EPS8L2: variants seen among roughly 807,000 people sequenced by gnomAD.
EPS8L2 encodes EPS8 signaling adaptor L2.
Under a neutral mutation model 99.4 loss-of-function variants are expected in EPS8L2, and 81 were observed. The ratio of observed to expected loss-of-function variants is 0.82; its 90% CI spans 0.68 to 0.98. The LOEUF is 0.98. Among genes scored for constraint, EPS8L2 ranks in the 50% least tolerant of loss-of-function variants. The probability of loss-of-function intolerance (pLI) is 0.00; values close to 1 mark genes in which losing one functional copy is unlikely to be tolerated. For missense variants in EPS8L2, 1,155 were observed against 968.8 expected (o/e 1.19, Z -2.55); for synonymous variants, 509 against 407.3 (o/e 1.25, Z -3.01).
intron 4 of EPS8L2, among the ~76,000 whole-genome samples, chr11:713,382 CTGTT>C (rs1590048471): frequency 6.6e-6 from 1 of 152,200 alleles, no homozygotes; most frequent in African/African-American, 2.4e-5. Flanking sequence ...ACCACAGTTT[CTGTT>C]TGTTTGTGTG....
Position 720,617 on chromosome 11 carries a change from G to A in EPS8L2, c.348G>A (p.Pro116=), listed in dbSNP as rs768814580. 1.9e-6 allele frequency: 3 copies of A among 1,599,796 alleles called. No individual in the cohort carries two copies. Among genetic ancestry groups the A allele is most frequent in the Admixed American group, 3.5e-5 (2 of 57,686 alleles). Reference sequence around the variant, plus strand: ...CGCAGGAGGAGCTGGAAGACTTCCCGCTGCCCACGGTGCAGCGCAGCCAGA... The same window carrying A: ...CGCAGGAGGAGCTGGAAGACTTCCCACTGCCCACGGTGCAGCGCAGCCAGA... ...IESQEELEDF[P]LPTVQRSQTV... The change falls in exon 6 of 21, where the codon CCG becomes CCA. Residue 116 remains proline, a synonymous_variant. Transcript: ENST00000318562.
Position 727,022 on chromosome 11 carries a change from AC to A in EPS8L2, c.*44del. The A allele has an allele frequency of 1.5e-6, 2 of 1,316,760 alleles. No individual in the cohort carries two copies. Among genetic ancestry groups the A allele is most frequent in the Non-Finnish European group, 2.2e-6 (2 of 916,470 alleles). 81.6% of individuals were successfully genotyped at this position (1,316,760 alleles called of 1,614,324 possible). A position where few individuals can be genotyped will look rare whatever the true frequency, so the allele number is the denominator to read the frequency against. On this transcript the variant is annotated 3_prime_UTR_variant, in exon 21 of 21. Coordinates refer to ENST00000318562, the MANE Select transcript of EPS8L2 (RefSeq NM_022772.4). ...GCTGGGGCCTGCGGAGGGGAAGCCC[AC>A]CCACAATGCATGGAGTATTATTTTT... is the stretch of plus-strand genomic sequence containing the variant.
rs533783894 is a variant in EPS8L2 at position 724,492 on chromosome 11, C to T, written c.1455-232C>T. 30 of 557,682 alleles carry T rather than the reference C, an allele frequency of 5.4e-5. No individual in the cohort carries two copies. Among genetic ancestry groups the T allele is most frequent in the East Asian group, 3.4e-4 (11 of 32,520 alleles). The allele number at this position is 557,682 out of a possible 1,614,324, so 34.5% of individuals were successfully genotyped here. ...AGCCTTGCTGTACCACAGGCCCCTG[C>T]GCCACGCCCACCTCCTGCCTGCCCC... On this transcript the variant is annotated intron_variant, in intron 15 of 20. Transcript: ENST00000318562. This position sits in a 1 kb window ranked among gnomAD's most constrained non-coding sequence, Gnocchi z 5.5.
At chr11:715,223 C>T (rs1456943756) in intron 4 of EPS8L2, among the ~76,000 whole-genome samples, 1 of 148,472 alleles carries the variant, frequency 6.7e-6, no homozygotes, top group Non-Finnish European at 1.5e-5. Flanking sequence ...GCCTGGGAGA[C>T]AGAGTGAGAC....
chr11:707,333 C>T (rs1861752675), intron 1 of EPS8L2, among the ~76,000 whole-genome samples: 1 of 152,204 alleles, frequency 6.6e-6, no homozygotes, highest in Non-Finnish European at 1.5e-5. Flanking sequence ...CTCCCCATTC[C>T]AGGGCCCCAC....
At chr11:708,744 C>T (rs1191173118) in intron 1 of EPS8L2, 1 of 152,526 alleles carries the variant, frequency 6.6e-6, no homozygotes, top group Non-Finnish European at 1.5e-5. Flanking sequence ...GGGCCAGCCT[C>T]TTTGCTGGGG....
rs187544514 is a variant in EPS8L2, at chr11:724,286, G to A, written c.1455-438G>A. Among the ~76,000 whole-genome samples the A allele has an allele frequency of 3.9e-5, 6 of 152,260 alleles. No homozygotes were observed. Among genetic ancestry groups the A allele is most frequent in the South Asian group, 2.1e-4 (1 of 4,820 alleles). ...CCCCACAGAGAGGAGCTTGAGACCC[G>A]TCCTCCACTGGACCATTTGGGCTGT... On this transcript the variant is annotated intron_variant, in intron 15 of 20. Transcript: ENST00000318562. This position sits in a 1 kb window ranked among gnomAD's most constrained non-coding sequence, Gnocchi z 5.5.
At position 726,665 on chromosome 11, in the gene EPS8L2, C is replaced by T. The variant is rs775047399; in HGVS notation, c.1981C>T (p.Leu661Phe). The change falls in exon 20 of 21, where the codon CTC (leucine) becomes TTC (phenylalanine). Residue 661 changes from leucine (L) to phenylalanine (F), a missense_variant. Coordinates refer to ENST00000318562, the MANE Select transcript of EPS8L2 (RefSeq NM_022772.4). ...CCTGACCGGGCCGCAGCTCTTCTCC[C>T]TCAACAAGGAGGAGCTGAAGAAAGT... ...GILTGPQLFS[L>F]NKEELKKVCG... The T allele has an allele frequency of 3.8e-6, 6 of 1,568,774 alleles. No individual in the cohort carries two copies. The highest frequency in any genetic ancestry group is 3.5e-5 in the South Asian group (3 of 85,334).
At position 721,105 on chromosome 11, in the gene EPS8L2, C is replaced by T; in HGVS notation, c.599C>T (p.Pro200Leu). The stretch of plus-strand genomic sequence containing the variant: ...ATTCGGCAGCGGCAGTCCATCCTGC[C>T]TCCTCCCCAGGGCCCGGCGCCCATC... ...EKIRQRQSIL[P>L]PPQGPAPIPF... is the part of the protein sequence containing the mutation. The change falls in exon 8 of 21, where the codon CCT becomes CTT. Residue 200 changes from proline (P) to leucine (L), a missense_variant. Coordinates refer to ENST00000318562, the MANE Select transcript of EPS8L2 (RefSeq NM_022772.4). 6.5e-7 allele frequency: 1 copy of T among 1,530,776 alleles called. No individual in the cohort carries two copies. The highest frequency in any genetic ancestry group is 8.8e-7 in the Non-Finnish European group (1 of 1,141,160). 94.8% of individuals were successfully genotyped at this position (1,530,776 alleles called of 1,614,324 possible).
rs748530276 is a variant in EPS8L2 at position 722,686 on chromosome 11, C to T, written c.1222C>T (p.Arg408Trp). 10 of 1,607,148 alleles carry T rather than the reference C, an allele frequency of 6.2e-6. No homozygotes were observed. Among genetic ancestry groups the T allele is most frequent in the South Asian group, 4.4e-5 (4 of 90,250 alleles). ...SWMRPRSEWP[R>W]EPQVPLYVPK... ...CTCTCACCCCAGTTCCGAGTGGCCG[C>T]GGGAGCCACAGGTGCCCCTCTACGT... Residue 408 changes from arginine to tryptophan, a missense_variant, in exon 14 of 21, where the codon CGG becomes TGG. Arg to Trp is a moderately radical substitution (Grantham distance 101, BLOSUM62 -3). Coordinates refer to ENST00000318562, the MANE Select transcript of EPS8L2 (RefSeq NM_022772.4).
At chr11:720,254 C>T in intron 5 of EPS8L2, 31 bp downstream of exon 5, 2 of 1,609,800 alleles carry the variant, frequency 1.2e-6, no homozygotes, top group Non-Finnish European at 1.7e-6. Flanking sequence ...GGACAGGGAG[C>T]ACAGTGGGTA....
rs1296461905 is a variant in EPS8L2 at position 710,473 on chromosome 11, A to G, written c.152A>G (p.Gln51Arg). 2 of 1,613,748 alleles carry G rather than the reference A, an allele frequency of 1.2e-6. No homozygotes were observed. Among genetic ancestry groups the G allele is most frequent in the Non-Finnish European group, 8.5e-7 (1 of 1,179,952 alleles). ...NSNVIMHETS[Q>R]YHVQHLATFI... ...AACGTCATCATGCACGAGACCTCGC[A>G]GTACCACGTCCAGGTAAGGCCCCGC... The change falls in exon 4 of 21, where the codon CAG becomes CGG. Residue 51 changes from glutamine (Q) to arginine (R), a missense_variant. Physicochemically the swap from Gln to Arg is conservative, Grantham distance 43 (BLOSUM62 1). Transcript: ENST00000318562.
rs1278907285 is a variant in EPS8L2, at chr11:719,936, TC to T, written c.166-122del. On this transcript the variant is annotated intron_variant, in intron 4 of 20. Coordinates refer to ENST00000318562, the MANE Select transcript of EPS8L2 (RefSeq NM_022772.4). ...CTCCCCCCACCAAAGGCGGGGCCGGTCCCCGTTCTAGCCCCCTACCCAGGGT... is the reference window on the plus strand; with the variant it reads ...CTCCCCCCACCAAAGGCGGGGCCGGTCCCGTTCTAGCCCCCTACCCAGGGT... 7.2e-5 allele frequency: 61 copies of T among 849,670 alleles called. No individual in the cohort carries two copies. The East Asian group carries it at 1.4e-3, about 19-fold the overall frequency. The allele number at this position is 849,670 out of a possible 1,614,324, so 52.6% of individuals were successfully genotyped here. A position where few individuals can be genotyped will look rare whatever the true frequency, so the allele number is the denominator to read the frequency against.
At chr11:726,023 G>A in intron 17 of EPS8L2, 75 bp from the exon 18 acceptor site, 1 of 1,308,884 alleles carries the variant, frequency 7.6e-7, no homozygotes. Flanking sequence ...GGATTGGCGG[G>A]GTGGGGAGGT....
rs776308064 is a variant in EPS8L2, at chr11:726,694, C to T, written c.2010C>T (p.Cys670=). The T allele has an allele frequency of 6.9e-6, 11 of 1,585,898 alleles. No individual in the cohort carries two copies. The highest frequency in any genetic ancestry group is 6.7e-5 in the African/African-American group (5 of 74,646). ...SLNKEELKKV[C]GEEGVRVYSQ... ...ACAAGGAGGAGCTGAAGAAAGTGTG[C>T]GGCGAGGAGGGCGTCCGCGTGTACA... The change falls in exon 20 of 21, where the codon TGC becomes TGT. Residue 670 remains cysteine (C), a synonymous_variant. Transcript: ENST00000318562.
In EPS8L2 at chr11:720,876, G is replaced by GGCTGGGCAAGAAGAT; in HGVS notation, c.527_541dup (p.Leu176_Met180dup). 1 of 1,510,342 alleles carries GGCTGGGCAAGAAGAT rather than the reference G, an allele frequency of 6.6e-7. No individual in the cohort carries two copies. The highest frequency in any genetic ancestry group is 8.8e-7 in the Non-Finnish European group (1 of 1,131,448). 93.6% of individuals were successfully genotyped at this position (1,510,342 alleles called of 1,614,324 possible). On this transcript the variant is annotated inframe_insertion, in exon 7 of 21. Coordinates refer to ENST00000318562, the MANE Select transcript of EPS8L2 (RefSeq NM_022772.4). ...ATCGAGAGCGCGTTGGCCGACTGCC[G>GGCTGGGCAAGAAGAT]GCTGGGCAAGAAGATGCGGCCGCAG...
At position 726,064 on chromosome 11, in the gene EPS8L2, G is replaced by C. The variant is rs780481033; in HGVS notation, c.1681-34G>C. 2.8e-6 allele frequency: 4 copies of C among 1,452,308 alleles called. No homozygotes were observed. In the South Asian group the frequency reaches 4.8e-5, roughly 17 times the overall value. 90.0% of individuals were successfully genotyped at this position (1,452,308 alleles called of 1,614,324 possible). A position where few individuals can be genotyped will look rare whatever the true frequency, so the allele number is the denominator to read the frequency against. On this transcript the variant is annotated intron_variant, in intron 17 of 20. Coordinates refer to ENST00000318562, the MANE Select transcript of EPS8L2 (RefSeq NM_022772.4). ...GCAGGTGCTGGGAGGCGGGGGCGGGGCGTGGGGAGCCTAATCGCCCCCCGC... is the reference window on the plus strand; with the variant it reads ...GCAGGTGCTGGGAGGCGGGGGCGGGCCGTGGGGAGCCTAATCGCCCCCCGC...
intron 9 of EPS8L2, 65 bp downstream of exon 9, chr11:721,417 T>A (rs1590054277): frequency 2.6e-6 from 4 of 1,513,368 alleles, no homozygotes; most frequent in Non-Finnish European, 3.5e-6. Flanking sequence ...CACTGGTCCT[T>A]GCTGTCCCTC....
rs1862106498 is a variant in EPS8L2 at position 719,692 on chromosome 11, G to A, written c.166-370G>A. On this transcript the variant is annotated intron_variant, in intron 4 of 20. Coordinates refer to ENST00000318562, the MANE Select transcript of EPS8L2 (RefSeq NM_022772.4). ...TAGGGCAGGTCGGGATGGGGTGACG[G>A]CTGGCATTGTAGCCAGGTGGCCACA... Among the ~76,000 whole-genome samples the A allele has an allele frequency of 4.6e-5, 7 of 152,344 alleles. No individual in the cohort carries two copies. The South Asian group carries it at 1.4e-3, about 32-fold the overall frequency.
Sources: allele counts gnomAD v4.1 joint callset (sites outside exome capture counted in the v4.1 genomes callset), GRCh38; gene constraint gnomAD v4.1.1; non-coding constraint Gnocchi (gnomAD v3.1); transcripts MANE v1.5; gene names NCBI Gene and HGNC (gene_info 2026-07-23, HGNC 2026-07-21).